CCDC73: variants seen among roughly 807,000 people sequenced by gnomAD.
CCDC73 encodes coiled-coil domain containing 73, also known as coiled-coil domain-containing protein 73.
Under a neutral mutation model 116.5 loss-of-function variants are expected in CCDC73, and 95 were observed. The ratio of observed to expected loss-of-function variants is 0.82; its 90% CI spans 0.69 to 0.97. The LOEUF (loss-of-function observed/expected upper bound fraction) is 0.97, where lower values mean the gene tolerates loss of function less well. Ranked by LOEUF, CCDC73 falls within the 50% of genes least tolerant of loss-of-function variation. The pLI, the probability that CCDC73 is intolerant of heterozygous loss-of-function variation, is 0.00. For synonymous variants in CCDC73, 398 were observed against 401.3 expected, an observed-to-expected ratio of 0.99 and a Z score of 0.10; for missense variants, 1,066 against 1,206.8, an observed-to-expected ratio of 0.88 and a Z score of 1.73.
chr11:32,626,885 A>C (rs1046875490), intron 14 of CCDC73, among the ~76,000 whole-genome samples: 1 of 152,244 alleles, frequency 6.6e-6, no homozygotes, highest in Non-Finnish European at 1.5e-5. Context: ...AAGAAAGCCT[A>C]GGCAATACCA....
chr11:32,752,096 C>T lies in CCDC73; in HGVS notation c.135+8013G>A, dbSNP rs561947651. Among the ~76,000 whole-genome samples, 3 of 152,258 alleles carry T rather than the reference C, an allele frequency of 2.0e-5. No individual in the cohort carries two copies. In the South Asian group the frequency reaches 6.2e-4, roughly 32 times the overall value. ...ATCTATTTTGAACTTTATGACATAG[C>T]TCTGGCTTCCAAGAGGATCTGTTCT... On this transcript the variant is annotated intron_variant, in intron 2 of 17. Transcript: ENST00000335185.
chr11:32,656,752 C>A (rs759628831), intron 9 of CCDC73, among the ~76,000 whole-genome samples: 9 of 152,134 alleles, frequency 5.9e-5, no homozygotes, highest in Non-Finnish European at 1.2e-4. Flanking sequence ...TAACCAATGC[C>A]CTTCCAATAA....
At chr11:32,801,744 G>A in the CCDC73 span, among the ~76,000 whole-genome samples, 88,988 of 151,914 alleles carry the variant, frequency 0.59, 26,409 homozygotes, top group East Asian at 0.84. Context: ...ACAAAAATCG[G>A]TGGTTCTATT....
chr11:32,732,431 C>T (rs926366274), intron 2 of CCDC73, among the ~76,000 whole-genome samples: 2 of 152,082 alleles, frequency 1.3e-5, no homozygotes, highest in South Asian at 4.1e-4. Context: ...CACAAAGATA[C>T]TCCTCATGAA....
chr11:32,639,881 T>C (rs1258611582), intron 13 of CCDC73, among the ~76,000 whole-genome samples: 1 of 152,264 alleles, frequency 6.6e-6, no homozygotes, highest in Non-Finnish European at 1.5e-5. Context: ...TTGTTATTTT[T>C]AATATTTCAA....
the CCDC73 span, among the ~76,000 whole-genome samples, chr11:32,829,164 CTCTATAAA>C: frequency 6.6e-6 from 1 of 152,170 alleles, no homozygotes; most frequent in African/African-American, 2.4e-5. Context: ...TTTTATTAAT[CTCTATAAA>C]TCTACATAAA....
rs186100506 is a variant in CCDC73 at position 32,628,781 on chromosome 11, T to C, written c.1185+6915A>G. ...ATGTTCTAACACAATAAAAATTTAC[T>C]GGACAGGGAGAGAAGCAGGAAAATG... On this transcript the variant is annotated intron_variant, in intron 14 of 17. Coordinates refer to ENST00000335185, the MANE Select transcript of CCDC73 (RefSeq NM_001008391.4). Among the ~76,000 whole-genome samples the C allele has an allele frequency of 1.3e-4, 20 of 152,300 alleles. No individual in the cohort carries two copies. The East Asian group carries it at 2.9e-3, about 22-fold the overall frequency.
intron 1 of CCDC73, among the ~76,000 whole-genome samples, chr11:32,786,476 T>C (rs1850630294): frequency 7.3e-6 from 1 of 137,504 alleles, no homozygotes; most frequent in Non-Finnish European, 1.6e-5. Flanking sequence ...ATATAATAAA[T>C]ATATTATTTA....
chr11:32,785,298 A>T (rs538722029), intron 1 of CCDC73, among the ~76,000 whole-genome samples: 4 of 152,364 alleles, frequency 2.6e-5, no homozygotes, highest in East Asian at 1.9e-4. Flanking sequence ...ACCAGATTAC[A>T]ATGTGAAATG....
chr11:32,774,157 A>C (rs1590641317), intron 1 of CCDC73, among the ~76,000 whole-genome samples: 2 of 152,154 alleles, frequency 1.3e-5, no homozygotes, highest in Non-Finnish European at 2.9e-5. Context: ...CCATTTTTCC[A>C]GCACACAAAC....
intron 17 of CCDC73, chr11:32,604,582 C>G (rs1855321120): frequency 6.6e-6 from 1 of 152,130 alleles, no homozygotes; most frequent in African/African-American, 2.4e-5. Context: ...GGTTTATATG[C>G]TATGTTAAAC....
chr11:32,624,231 C>T (rs1041909229), intron 14 of CCDC73, among the ~76,000 whole-genome samples: 54 of 151,618 alleles, frequency 3.6e-4, no homozygotes, highest in African/African-American at 1.3e-3. Flanking sequence ...TCCCAGCTAC[C>T]CGGGAGGCTG....
intron 14 of CCDC73, among the ~76,000 whole-genome samples, chr11:32,616,778 C>G (rs1855478541): frequency 6.6e-6 from 1 of 152,112 alleles, no homozygotes. Flanking sequence ...AAAATACAGT[C>G]CCTGTCCTCA....
the CCDC73 span, among the ~76,000 whole-genome samples, chr11:32,825,856 A>G: frequency 3.3e-5 from 5 of 152,204 alleles, no homozygotes; most frequent in Non-Finnish European, 5.9e-5. Context: ...AAATGCCAAC[A>G]TCAGTACACA....
intron 9 of CCDC73, among the ~76,000 whole-genome samples, chr11:32,661,745 A>C (rs544738865): frequency 6.6e-6 from 1 of 151,648 alleles, no homozygotes; most frequent in South Asian, 2.1e-4. Flanking sequence ...CAGGTCTGTT[A>C]CATATGTATA....
At chr11:32,826,660 C>CAAAAAAAAAAAACAAAAAAAAAAAAA in the CCDC73 span, among the ~76,000 whole-genome samples, 1 of 133,264 alleles carries the variant, frequency 7.5e-6, no homozygotes. Context: ...AAAAAAAAAA[C>CAAAAAAAAAAAACAAAAAAAAAAAAA]AAAAAAAAAA....
intron 6 of CCDC73, among the ~76,000 whole-genome samples, chr11:32,692,549 A>G (rs1017843001): frequency 1.6e-4 from 25 of 152,170 alleles, no homozygotes; most frequent in African/African-American, 5.8e-4. Flanking sequence ...ATAAAGTAAT[A>G]AAATAGAGCT....
chr11:32,737,644 G>A (rs181683611), intron 2 of CCDC73, among the ~76,000 whole-genome samples: 1 of 151,490 alleles, frequency 6.6e-6, no homozygotes, highest in Non-Finnish European at 1.5e-5. Flanking sequence ...ATCACATCAG[G>A]GTAAGTAGGG....
At chr11:32,828,768 T>G in the CCDC73 span, among the ~76,000 whole-genome samples, 1 of 152,214 alleles carries the variant, frequency 6.6e-6, no homozygotes, top group African/African-American at 2.4e-5. Flanking sequence ...CAAAGAGCTT[T>G]CACTTATGTG....
Sources: allele counts gnomAD v4.1 joint callset (sites outside exome capture counted in the v4.1 genomes callset), GRCh38; gene constraint gnomAD v4.1.1; transcripts MANE v1.5; gene names NCBI Gene and HGNC (gene_info 2026-07-23, HGNC 2026-07-21).